Variants in TRIM2 observed in about 807,000 individuals in gnomAD.
The protein encoded by TRIM2 is tripartite motif-containing protein 2.
In TRIM2, 20 loss-of-function variants were observed where a neutral mutation model predicts 75.2. The ratio of observed to expected loss-of-function variants is 0.27; its 90% confidence interval spans 0.19 to 0.39. TRIM2 has a LOEUF of 0.39. Among genes scored for constraint, TRIM2 ranks in the 10% least tolerant of loss-of-function variants. The pLI is 1.00. For synonymous variants in TRIM2, 373 were observed against 388.3 expected, an observed-to-expected ratio of 0.96 and a Z score of 0.46; for missense variants, 660 against 990.8, an observed-to-expected ratio of 0.67 and a Z score of 4.48.
intron 8 of TRIM2, among the ~76,000 whole-genome samples, chr4:153,318,946 T>C (rs1323577049): frequency 2.0e-5 from 3 of 152,166 alleles, no homozygotes; most frequent in Non-Finnish European, 2.9e-5. Flanking sequence ...AATACCCTCT[T>C]CTATGATAGG....
chr4:153,295,600 G>T lies in TRIM2; in HGVS notation c.1074G>T (p.Thr358=). ...TNAVASETVA[T]GEGLRQTIIG... ...CCGTTGCCTCAGAGACAGTGGCCAC[G>T]GGCGAGGGGCTGCGGCAGACCATCA... is the stretch of plus-strand genomic sequence containing the variant. Residue 358 remains threonine (T), a synonymous_variant, in exon 6 of 12, where the codon ACG becomes ACT. Coordinates refer to ENST00000338700, the MANE Select transcript of TRIM2 (RefSeq NM_015271.5). This position sits in a 1 kb window ranked among gnomAD's most constrained non-coding sequence, Gnocchi z 7.2. The T allele has an allele frequency of 1.2e-6, 2 of 1,613,960 alleles. No individual in the cohort carries two copies. The highest frequency in any genetic ancestry group is 1.7e-6 in the Non-Finnish European group (2 of 1,179,992).
upstream of TRIM2, among the ~76,000 whole-genome samples, chr4:153,202,426 T>G (rs1419983301): frequency 1.3e-5 from 2 of 152,270 alleles, no homozygotes; most frequent in East Asian, 3.9e-4. Flanking sequence ...GCCAGCCGCG[T>G]TGGCTCGTGC....
chr4:153,293,561 G>A (rs1339238508), intron 4 of TRIM2, among the ~76,000 whole-genome samples: 1 of 152,164 alleles, frequency 6.6e-6, no homozygotes, highest in South Asian at 2.1e-4. Flanking sequence ...AGCAGTGATT[G>A]CTAATTTTCC....
intron 1 of TRIM2, among the ~76,000 whole-genome samples, chr4:153,188,754 A>G (rs578250317): frequency 1.3e-5 from 2 of 152,250 alleles, no homozygotes; most frequent in African/African-American, 2.4e-5. Flanking sequence ...GAAAACAAAA[A>G]AAAAAAAAGG....
chr4:153,217,160 G>C (rs1738706005), intron 1 of TRIM2, among the ~76,000 whole-genome samples: 1 of 151,892 alleles, frequency 6.6e-6, no homozygotes, highest in African/African-American at 2.4e-5. Context: ...AAATGTTTTG[G>C]GGTTTCTGCT....
At chr4:153,260,755 C>G (rs1579083015) in intron 1 of TRIM2, among the ~76,000 whole-genome samples, 1 of 135,600 alleles carries the variant, frequency 7.4e-6, no homozygotes, top group African/African-American at 2.8e-5. Flanking sequence ...TGATCATCAT[C>G]ATCATCATCA....
intron 1 of TRIM2, among the ~76,000 whole-genome samples, chr4:153,209,952 C>A (rs1200032488): frequency 6.6e-6 from 1 of 152,092 alleles, no homozygotes; most frequent in African/African-American, 2.4e-5. Context: ...AAAGCTGTAA[C>A]CTGATCTCAG....
intron 1 of TRIM2, among the ~76,000 whole-genome samples, chr4:153,231,444 A>G (rs941806556): frequency 3.3e-5 from 5 of 152,188 alleles, no homozygotes; most frequent in African/African-American, 1.2e-4. Context: ...GGAAGAGGGA[A>G]GTGGGAAGGG....
intron 1 of TRIM2, among the ~76,000 whole-genome samples, chr4:153,229,620 T>C (rs1005707611): frequency 3.9e-5 from 6 of 152,220 alleles, no homozygotes; most frequent in African/African-American, 1.4e-4. Flanking sequence ...TTAAAAAGCC[T>C]TTAAACATCA....
intron 1 of TRIM2, among the ~76,000 whole-genome samples, chr4:153,261,227 G>C (rs924851266): frequency 6.6e-6 from 1 of 152,186 alleles, no homozygotes; most frequent in African/African-American, 2.4e-5. Flanking sequence ...TTCGAGACCA[G>C]CCTGGCCAGT....
intron 1 of TRIM2, among the ~76,000 whole-genome samples, chr4:153,249,855 A>C (rs1356593776): frequency 6.6e-6 from 1 of 152,228 alleles, no homozygotes; most frequent in Non-Finnish European, 1.5e-5. Flanking sequence ...CGATGTGCAC[A>C]TCGATGTGGA....
At position 153,315,967 on chromosome 4, in the gene TRIM2, G is replaced by A. The variant is rs370720337; in HGVS notation, c.1750G>A (p.Val584Ile). The change falls in exon 8 of 12, where the codon GTC (valine) becomes ATC (isoleucine). Residue 584 changes from valine to isoleucine, a missense_variant. By Grantham distance (29) the Val-to-Ile change is conservative (BLOSUM62 3). Around this residue, in one of 2 missense-constraint regions of TRIM2, gnomAD observed 620 missense variants for 891.0 expected, o/e 0.70. Coordinates refer to ENST00000338700, the MANE Select transcript of TRIM2 (RefSeq NM_015271.5). ...IIIADYDNKW[V>I]SIFSSDGKFK... Reference sequence around the variant, plus strand: ...CATTGCCGATTATGATAATAAATGGGTCAGCATTTTCTCCTCCGATGGGAA... The same window carrying A: ...CATTGCCGATTATGATAATAAATGGATCAGCATTTTCTCCTCCGATGGGAA... 3 of 1,589,278 alleles carry A rather than the reference G, an allele frequency of 1.9e-6. No individual in the cohort carries two copies. In the African/African-American group the frequency reaches 4.1e-5, roughly 22 times the overall value.
At chr4:153,322,549 A>C in intron 8 of TRIM2, 99 bp from the exon 9 acceptor site, 1 of 1,337,744 alleles carries the variant, frequency 7.5e-7, no homozygotes. Flanking sequence ...TTGAACCTTC[A>C]GGTAAATGTT....
chr4:153,199,239 G>A (rs766886552), intron 1 of TRIM2, among the ~76,000 whole-genome samples: 6 of 152,042 alleles, frequency 3.9e-5, no homozygotes, highest in Non-Finnish European at 8.8e-5. Flanking sequence ...CTTCCTCCTC[G>A]TTGTCAGTTC....
At chr4:153,275,669 A>G (rs1428803695) in intron 2 of TRIM2, among the ~76,000 whole-genome samples, 1 of 152,244 alleles carries the variant, frequency 6.6e-6, no homozygotes, top group Admixed American at 6.5e-5. Flanking sequence ...AGAAAACACT[A>G]CAAAAGTCAA....
At chr4:153,244,356 T>TTCTTCCTCTTCTTCTTCTC (rs1748102609) in intron 1 of TRIM2, among the ~76,000 whole-genome samples, 3 of 14,342 alleles carry the variant, frequency 2.1e-4, no homozygotes, top group Admixed American at 1.8e-3. Context: ...TTCTTCTTCC[T>TTCTTCCTCTTCTTCTTCTC]CTTCTTCTTC....
chr4:153,193,844 G>C (rs1383075138), intron 1 of TRIM2, among the ~76,000 whole-genome samples: 1 of 152,174 alleles, frequency 6.6e-6, no homozygotes, highest in Non-Finnish European at 1.5e-5. Context: ...TGCAGAGGAG[G>C]CAGTGAATCA....
chr4:153,212,977 G>A (rs1200735171), intron 1 of TRIM2, among the ~76,000 whole-genome samples: 1 of 152,136 alleles, frequency 6.6e-6, no homozygotes, highest in East Asian at 1.9e-4. Context: ...TCCTACCAGG[G>A]CATGTACTTT....
chr4:153,221,226 TGAAA>T (rs1485875388), intron 1 of TRIM2, among the ~76,000 whole-genome samples: 9 of 152,084 alleles, frequency 5.9e-5, no homozygotes, highest in Admixed American at 5.9e-4. Context: ...TTTTGCTGAG[TGAAA>T]GAAGCCAGAC....
Sources: gnomAD v4.1 joint callset for allele counts (sites outside exome capture counted in the v4.1 genomes callset) on GRCh38, gnomAD v4.1.1 for gene constraint, gnomAD v4.1.1 regional missense constraint, Gnocchi (gnomAD v3.1) non-coding constraint, MANE v1.5 for transcripts, NCBI Gene and HGNC (gene_info 2026-07-23, HGNC 2026-07-21) for gene names.